Variants in PXMP4 observed in about 807,000 individuals in gnomAD.
PXMP4 encodes 24 kDa peroxisomal intrinsic membrane protein.
Under a neutral mutation model 21.6 loss-of-function variants are expected in PXMP4, and 16 were observed. The observed-to-expected ratio is 0.74, with a 90% CI of 0.50 to 1.13. PXMP4 has a LOEUF of 1.13. Among genes scored for constraint, PXMP4 ranks in the 50% most tolerant of loss-of-function variants. The probability of loss-of-function intolerance (pLI) is 0.00; values close to 1 mark genes in which losing one functional copy is unlikely to be tolerated. For missense variants in PXMP4, 240 were observed against 277.7 expected (o/e 0.86, Z 0.96); for synonymous variants, 127 against 123.8 (o/e 1.03, Z -0.17).
rs1555866644 is a variant in PXMP4, at chr20:33,717,658, A to AAAAAAAT, written c.113+2436_113+2437insATTTTTT. On this transcript the variant is annotated intron_variant, in intron 1 of 3. Coordinates refer to ENST00000409299, the MANE Select transcript of PXMP4 (RefSeq NM_007238.5). ...CCGTCTCAAAAAAAAAAAAAAAAAA[A>AAAAAAAT]TTATTAAATATTTTAAATGTTACAT... Among the ~76,000 whole-genome samples, 142 of 137,494 alleles carry AAAAAAAT rather than the reference A, an allele frequency of 1.0e-3. 1 individual carries two copies. Among genetic ancestry groups the AAAAAAAT allele is most frequent in the East Asian group, 1.8e-3 (9 of 4,892 alleles). 90.2% of individuals were successfully genotyped at this position (137,494 alleles called of 152,430 possible).
At chr20:33,712,122 G>A (rs2018333780) in intron 2 of PXMP4, among the ~76,000 whole-genome samples, 1 of 152,166 alleles carries the variant, frequency 6.6e-6, no homozygotes, top group Non-Finnish European at 1.5e-5. Flanking sequence ...GAGGGTCCAC[G>A]GGGAAATCTT....
At chr20:33,711,583 T>C (rs1457784420) in intron 2 of PXMP4, among the ~76,000 whole-genome samples, 1 of 152,076 alleles carries the variant, frequency 6.6e-6, no homozygotes, top group African/African-American at 2.4e-5. Flanking sequence ...TAAAAATCAC[T>C]AGAGGCCAGG....
At chr20:33,711,895 AAGG>A (rs1318168219) in intron 2 of PXMP4, among the ~76,000 whole-genome samples, 4 of 151,822 alleles carry the variant, frequency 2.6e-5, no homozygotes, top group East Asian at 3.9e-4. Flanking sequence ...TGGGAGGCTG[AAGG>A]AGGAGGTTTG....
chr20:33,717,857 C>T lies in PXMP4; in HGVS notation c.113+2238G>A, dbSNP rs140341327. ...AGTGGTATTTGGGCCAAAGCCCTGC[C>T]ATGTTTTGCTATGTGAGCTTGGATA... is the stretch of plus-strand genomic sequence containing the variant. On this transcript the variant is annotated intron_variant, in intron 1 of 3. Transcript: ENST00000409299. Among the ~76,000 whole-genome samples, 90 of 152,078 alleles carry T rather than the reference C, an allele frequency of 5.9e-4. 1 individual carries two copies. Among genetic ancestry groups the T allele is most frequent in the African/African-American group, 2.1e-3 (86 of 41,448 alleles).
rs1018942123 is a variant in PXMP4, at chr20:33,712,448, A to AT, written c.177-1696dup. 4.1e-3 allele frequency among the ~76,000 whole-genome samples: 584 copies of AT among 142,904 alleles called. 1 individual carries two copies. Among genetic ancestry groups the AT allele is most frequent in the Non-Finnish European group, 4.5e-3 (294 of 64,930 alleles). The allele number at this position is 142,904 out of a possible 152,430, so 93.8% of individuals were successfully genotyped here. A position where few individuals can be genotyped will look rare whatever the true frequency, so the allele number is the denominator to read the frequency against. ...CCAATCTGTTCTTAACCTGGCAGCA[A>AT]TTTTTTTTTTTTTTCCTCTGAGATG... On this transcript the variant is annotated intron_variant, in intron 2 of 3. Coordinates refer to ENST00000409299, the MANE Select transcript of PXMP4 (RefSeq NM_007238.5).
intron 3 of PXMP4, among the ~76,000 whole-genome samples, chr20:33,708,880 G>T (rs775479452): frequency 1.1e-4 from 17 of 152,130 alleles, no homozygotes; most frequent in Non-Finnish European, 2.1e-4. Flanking sequence ...ATGGAAATGG[G>T]ATTACCGGCA....
At chr20:33,711,670 G>A (rs966128210) in intron 2 of PXMP4, among the ~76,000 whole-genome samples, 1 of 151,884 alleles carries the variant, frequency 6.6e-6, no homozygotes, top group African/African-American at 2.4e-5. Flanking sequence ...CAGCCTGGAC[G>A]ACAGAGACTC....
chr20:33,715,285 C>T (rs975510994), intron 1 of PXMP4, among the ~76,000 whole-genome samples: 2 of 152,098 alleles, frequency 1.3e-5, no homozygotes, highest in Non-Finnish European at 1.5e-5. Context: ...GGATTACAGG[C>T]GCCAGCCACC....
At chr20:33,715,271 G>A (rs2018371378) in intron 1 of PXMP4, among the ~76,000 whole-genome samples, 1 of 152,168 alleles carries the variant, frequency 6.6e-6, no homozygotes, top group Non-Finnish European at 1.5e-5. Flanking sequence ...CTCCCAAGTA[G>A]CTGGGATTAC....
Position 33,710,466 on chromosome 20 carries a change from T to A in PXMP4, c.375+89A>T, listed in dbSNP as rs1289785504. Reference sequence around the variant, plus strand: ...CACGCCCCCTTCCATCACCCCCACCTCTGTACTGAACCACGCCCCCTTCTG... The same window carrying A: ...CACGCCCCCTTCCATCACCCCCACCACTGTACTGAACCACGCCCCCTTCTG... On this transcript the variant is annotated intron_variant, in intron 3 of 3. Transcript: ENST00000409299. 3.4e-5 allele frequency: 3 copies of A among 88,060 alleles called. No individual in the cohort carries two copies. In the Admixed American group the frequency reaches 4.7e-4, roughly 14 times the overall value. The allele number at this position is 88,060 out of a possible 1,614,324, so 5.5% of individuals were successfully genotyped here.
chr20:33,717,660 T>TAAAAAAAAAAAAAAAAAAAAAA (rs2018398410), intron 1 of PXMP4, among the ~76,000 whole-genome samples: 1 of 109,054 alleles, frequency 9.2e-6, no homozygotes, highest in African/African-American at 4.1e-5. Context: ...AAAAAAAAAT[T>TAAAAAAAAAAAAAAAAAAAAAA]ATTAAATATT....
chr20:33,713,971 G>T (rs563807179), intron 2 of PXMP4, among the ~76,000 whole-genome samples: 5 of 151,900 alleles, frequency 3.3e-5, no homozygotes, highest in Admixed American at 3.3e-4. Context: ...TCAGAGAACT[G>T]GTCTGGATTG....
intron 1 of PXMP4, among the ~76,000 whole-genome samples, chr20:33,718,738 T>A (rs2018413309): frequency 6.6e-6 from 1 of 152,082 alleles, no homozygotes. Flanking sequence ...TGGGTCTACC[T>A]CTGAGCTACA....
chr20:33,713,024 A>G (rs941249566), intron 2 of PXMP4, among the ~76,000 whole-genome samples: 1 of 152,208 alleles, frequency 6.6e-6, no homozygotes, highest in Non-Finnish European at 1.5e-5. Flanking sequence ...GGCCTCCCAA[A>G]ATGTTGGGAT....
chr20:33,718,378 G>A (rs1453078458), intron 1 of PXMP4, among the ~76,000 whole-genome samples: 2 of 151,854 alleles, frequency 1.3e-5, no homozygotes, highest in East Asian at 1.9e-4. Context: ...GGGCGTGGTG[G>A]TGGGTGCCTG....
chr20:33,716,161 T>C (rs183628813), intron 1 of PXMP4, among the ~76,000 whole-genome samples: 1 of 152,262 alleles, frequency 6.6e-6, no homozygotes, highest in Admixed American at 6.5e-5. Flanking sequence ...TCTCATCTTT[T>C]AAAAACATCA....
chr20:33,714,596 G>T (rs1303827438), intron 2 of PXMP4, 78 bp downstream of exon 2: 11 of 1,402,768 alleles, frequency 7.8e-6, no homozygotes, highest in Non-Finnish European at 1.1e-5. Context: ...GGACAGGGTA[G>T]ACCCAGCTAA....
At position 33,707,563 on chromosome 20, in the gene PXMP4, A is replaced by G; in HGVS notation, c.*143T>C. 8.2e-7 allele frequency: 1 copy of G among 1,221,238 alleles called. No individual in the cohort carries two copies. Among genetic ancestry groups the G allele is most frequent in the Non-Finnish European group, 1.1e-6 (1 of 885,638 alleles). The allele number at this position is 1,221,238 out of a possible 1,614,324, so 75.7% of individuals were successfully genotyped here. ...CAAAGGTACCCACTGGGATTTTAAA[A>G]TCAGTGTTTTTACTTCAGCAAACGG... On this transcript the variant is annotated 3_prime_UTR_variant, in exon 4 of 4. Coordinates refer to ENST00000409299, the MANE Select transcript of PXMP4 (RefSeq NM_007238.5).
Position 33,717,660 on chromosome 20 carries a change from T to TAAAAAAAAAAAA in PXMP4, c.113+2434_113+2435insTTTTTTTTTTTT, listed in dbSNP as rs2018398410. ...GTCTCAAAAAAAAAAAAAAAAAAAT[T>TAAAAAAAAAAAA]ATTAAATATTTTAAATGTTACATAA... On this transcript the variant is annotated intron_variant, in intron 1 of 3. Transcript: ENST00000409299. Among the ~76,000 whole-genome samples, 6 of 109,056 alleles carry TAAAAAAAAAAAA rather than the reference T, an allele frequency of 5.5e-5. 1 individual carries two copies. Among genetic ancestry groups the TAAAAAAAAAAAA allele is most frequent in the African/African-American group, 2.5e-4 (6 of 24,218 alleles). The allele number at this position is 109,056 out of a possible 152,430, so 71.5% of individuals were successfully genotyped here. A position where few individuals can be genotyped will look rare whatever the true frequency, so the allele number is the denominator to read the frequency against.
Sources: allele counts gnomAD v4.1 joint callset (sites outside exome capture counted in the v4.1 genomes callset), GRCh38; gene constraint gnomAD v4.1.1; transcripts MANE v1.5; gene names NCBI Gene and HGNC (gene_info 2026-07-23, HGNC 2026-07-21).